The following SAMTOR variants were observed in gnomAD, a reference collection of about 807,000 sequenced individuals.
The protein encoded by SAMTOR is UPF0532 protein C7orf60.
chr7:112,938,410 TCAA>T, the SAMTOR span, among the ~76,000 whole-genome samples: 2 of 152,170 alleles, frequency 1.3e-5, no homozygotes, highest in Non-Finnish European at 2.9e-5. Context: ...ATGAAACATA[TCAA>T]CTACATTCAA....
At chr7:112,886,391 T>C in the SAMTOR span, among the ~76,000 whole-genome samples, 172 of 152,300 alleles carry the variant, frequency 1.1e-3, no homozygotes, top group African/African-American at 4.0e-3. Flanking sequence ...AGGAATTCAG[T>C]AATATGTACA....
the SAMTOR span, among the ~76,000 whole-genome samples, chr7:112,876,280 C>G: frequency 2.0e-5 from 3 of 150,556 alleles, no homozygotes; most frequent in South Asian, 2.1e-4. Flanking sequence ...ACTTCTGTAA[C>G]TATTTTCTGA....
At chr7:112,856,135 T>C in the SAMTOR span, among the ~76,000 whole-genome samples, 1 of 152,192 alleles carries the variant, frequency 6.6e-6, no homozygotes, top group Non-Finnish European at 1.5e-5. Flanking sequence ...GTTAAATGAA[T>C]GTCATTTTGA....
the SAMTOR span, among the ~76,000 whole-genome samples, chr7:112,908,762 T>C: frequency 6.6e-6 from 1 of 152,304 alleles, no homozygotes; most frequent in South Asian, 2.1e-4. Flanking sequence ...TGAAAATGGT[T>C]ACCCATAGGA....
the SAMTOR span, among the ~76,000 whole-genome samples, chr7:112,849,386 T>A: frequency 2.0e-5 from 3 of 152,168 alleles, no homozygotes; most frequent in Non-Finnish European, 4.4e-5. Flanking sequence ...TACCTACACT[T>A]TACTAGTATG....
chr7:112,868,354 C>T, the SAMTOR span, among the ~76,000 whole-genome samples: 1 of 152,148 alleles, frequency 6.6e-6, no homozygotes, highest in Non-Finnish European at 1.5e-5. Flanking sequence ...AAAGGATACC[C>T]TAGACCCTGG....
At chr7:112,887,937 T>G in the SAMTOR span, among the ~76,000 whole-genome samples, 1 of 152,146 alleles carries the variant, frequency 6.6e-6, no homozygotes, top group East Asian at 1.9e-4. Context: ...CTGTTTTCAA[T>G]TTCATTAATT....
the SAMTOR span, among the ~76,000 whole-genome samples, chr7:112,885,204 C>T: frequency 1.3e-5 from 2 of 152,164 alleles, no homozygotes; most frequent in African/African-American, 4.8e-5. Flanking sequence ...AACCATTTTT[C>T]CTCCCTAGGC....
chr7:112,845,558 TA>T, the SAMTOR span, among the ~76,000 whole-genome samples: 1 of 152,190 alleles, frequency 6.6e-6, no homozygotes, highest in African/African-American at 2.4e-5. Context: ...ACACAAGTCA[TA>T]ATGGTTATTA....
At chr7:112,906,224 G>A in the SAMTOR span, among the ~76,000 whole-genome samples, 3 of 152,148 alleles carry the variant, frequency 2.0e-5, no homozygotes, top group Non-Finnish European at 4.4e-5. Flanking sequence ...CACATCTACA[G>A]CATGTTACCA....
the SAMTOR span, among the ~76,000 whole-genome samples, chr7:112,884,910 C>G: frequency 6.6e-6 from 1 of 152,202 alleles, no homozygotes; most frequent in Non-Finnish European, 1.5e-5. Context: ...AGGGTTCCAC[C>G]CCTGCAGAAA....
chr7:112,822,003 T>A, the SAMTOR span: 1 of 1,613,772 alleles, frequency 6.2e-7, no homozygotes, highest in Non-Finnish European at 8.5e-7. Context: ...TAGAGAGATT[T>A]TCCTAAATGC....
At chr7:112,891,725 G>C in the SAMTOR span, among the ~76,000 whole-genome samples, 1 of 152,158 alleles carries the variant, frequency 6.6e-6, no homozygotes, top group Non-Finnish European at 1.5e-5. Context: ...CAATAGCATT[G>C]TCTAAAAAAC....
the SAMTOR span, among the ~76,000 whole-genome samples, chr7:112,890,372 C>T: frequency 6.7e-6 from 1 of 148,594 alleles, no homozygotes; most frequent in East Asian, 1.9e-4. Context: ...ACCCCCCCCA[C>T]CTCTGAAAAA....
the SAMTOR span, among the ~76,000 whole-genome samples, chr7:112,828,129 A>G: frequency 6.6e-6 from 1 of 152,202 alleles, no homozygotes; most frequent in African/African-American, 2.4e-5. Context: ...ACTGTCATAA[A>G]TGTTCATTTT....
At chr7:112,918,205 G>A in the SAMTOR span, among the ~76,000 whole-genome samples, 8 of 152,110 alleles carry the variant, frequency 5.3e-5, no homozygotes, top group Admixed American at 2.0e-4. Flanking sequence ...GAGAAAGGTC[G>A]GGTTACCCAC....
the SAMTOR span, among the ~76,000 whole-genome samples, chr7:112,875,525 C>T: frequency 6.6e-6 from 1 of 152,184 alleles, no homozygotes; most frequent in South Asian, 2.1e-4. Flanking sequence ...TAATATTTTT[C>T]ACTATAGATT....
At chr7:112,922,104 C>T in the SAMTOR span, among the ~76,000 whole-genome samples, 22 of 152,124 alleles carry the variant, frequency 1.4e-4, no homozygotes, top group African/African-American at 3.6e-4. Context: ...TACAGGCGCG[C>T]GCCGCCACGC....
the SAMTOR span, among the ~76,000 whole-genome samples, chr7:112,865,580 G>C: frequency 6.8e-6 from 1 of 147,286 alleles, no homozygotes; most frequent in Non-Finnish European, 1.5e-5. Flanking sequence ...CTGGTGTCCC[G>C]TCTCATTCAT....
Sources: allele counts gnomAD v4.1 joint callset (sites outside exome capture counted in the v4.1 genomes callset), GRCh38; gene constraint gnomAD v4.1.1; transcripts MANE v1.5; gene names NCBI Gene and HGNC (gene_info 2026-07-23, HGNC 2026-07-21).